The following AHCTF1 variants were observed in gnomAD, a reference collection of about 807,000 sequenced individuals.
The protein encoded by AHCTF1 is AT-hook containing transcription factor 1, also known as protein ELYS.
In AHCTF1, 24 loss-of-function variants were observed where a neutral mutation model predicts 248.4. The ratio of observed to expected loss-of-function variants is 0.10; its 90% CI spans 0.07 to 0.14. The LOEUF (loss-of-function observed/expected upper bound fraction) is 0.14, where lower values mean the gene tolerates loss of function less well. AHCTF1 is among the 10% of genes least tolerant of loss of function. AHCTF1 has a pLI of 1.00. For synonymous variants in AHCTF1, 786 were observed against 929.8 expected (o/e 0.85, Z 2.81); for missense variants, 2,206 against 2,636.2 (o/e 0.84, Z 3.57).
chr1:246,914,084 A>G (rs1665986865), intron 3 of AHCTF1, among the ~76,000 whole-genome samples: 1 of 152,218 alleles, frequency 6.6e-6, no homozygotes, highest in Admixed American at 6.5e-5. Flanking sequence ...TACTTTAGCT[A>G]TTTTATGGAG....
Position 246,843,930 on chromosome 1 carries a change from T to A in AHCTF1, c.6392-2A>T, listed in dbSNP as rs148600466. On this transcript the variant is annotated splice_acceptor_variant, in intron 33 of 35. Transcript: ENST00000648844. LOFTEE classifies it high-confidence loss of function. Reference sequence around the variant, plus strand: ...GTGCAGGAACCTCTATTTTTTTAGCTAAAAAAAGTTGAAAAAACTGTATCT... The same window carrying A: ...GTGCAGGAACCTCTATTTTTTTAGCAAAAAAAAGTTGAAAAAACTGTATCT... 0.012 allele frequency: 16,776 copies of A among 1,437,566 alleles called. 124 individuals carry two copies. The highest frequency in any genetic ancestry group is 0.014 in the Non-Finnish European group (15,596 of 1,091,522). 89.1% of individuals were successfully genotyped at this position (1,437,566 alleles called of 1,614,324 possible). A position where few individuals can be genotyped will look rare whatever the true frequency, so the allele number is the denominator to read the frequency against.
rs756809314 is a variant in AHCTF1 at position 246,887,269 on chromosome 1, G to A, written c.2414C>T (p.Ser805Phe). 1.6e-5 allele frequency: 26 copies of A among 1,613,394 alleles called. No individual in the cohort carries two copies. The highest frequency in any genetic ancestry group is 2.0e-5 in the Non-Finnish European group (24 of 1,179,716). Residue 805 changes from serine to phenylalanine, a missense_variant, in exon 20 of 36, where the codon TCT becomes TTT. By Grantham distance (155) the Ser-to-Phe change is radical. Coordinates refer to ENST00000648844, the MANE Select transcript of AHCTF1 (RefSeq NM_001323342.2). Reference protein sequence around the residue: ...IESFPTVFAISWGQVKLIQGF... With the variant: ...IESFPTVFAIFWGQVKLIQGF... ...CTGAATAAGTTTAACTTGGCCCCAA[G>A]AAATGGCAAATACAGTTGGGAAAGA...
chr1:246,870,723 CA>C (rs11340560), intron 24 of AHCTF1, among the ~76,000 whole-genome samples: 67,000 of 110,010 alleles, frequency 0.61, 18,052 homozygotes, highest in African/African-American at 0.79. Flanking sequence ...TATAAAACCT[CA>C]AAAAAAAAAA....
In AHCTF1 at chr1:246,839,926, T is replaced by C. The variant is rs1659736059; in HGVS notation, c.*880A>G. 1 of 152,602 alleles carries C rather than the reference T, an allele frequency of 6.6e-6. No homozygotes were observed. Among genetic ancestry groups the C allele is most frequent in the African/African-American group, 2.4e-5 (1 of 41,444 alleles). 9.5% of individuals were successfully genotyped at this position (152,602 alleles called of 1,614,324 possible). A position where few individuals can be genotyped will look rare whatever the true frequency, so the allele number is the denominator to read the frequency against. On this transcript the variant is annotated 3_prime_UTR_variant, in exon 36 of 36. Coordinates refer to ENST00000648844, the MANE Select transcript of AHCTF1 (RefSeq NM_001323342.2). ...TCTGTGCCTGAGGTCCTGTGAGAAT[T>C]TGCCAGTTTTAAAACCTGAATATTA...
rs184854150 is a variant in AHCTF1 at position 246,914,470 on chromosome 1, T to C, written c.376-1058A>G. ...TTCTCTATATCAGTATACAAAACAT[T>C]ACTCAGTGTTTCTAATTCTGAAAGC... On this transcript the variant is annotated intron_variant, in intron 3 of 35. Coordinates refer to ENST00000648844, the MANE Select transcript of AHCTF1 (RefSeq NM_001323342.2). 3.3e-5 allele frequency among the ~76,000 whole-genome samples: 5 copies of C among 152,342 alleles called. No homozygotes were observed. The East Asian group carries it at 9.6e-4, about 29-fold the overall frequency.
intron 8 of AHCTF1, among the ~76,000 whole-genome samples, chr1:246,900,693 A>G (rs1200202618): frequency 6.6e-6 from 1 of 152,244 alleles, no homozygotes; most frequent in African/African-American, 2.4e-5. Context: ...GTCACTCATC[A>G]GAAGTTATAT....
chr1:246,846,516 A>C (rs1161337404), intron 33 of AHCTF1, among the ~76,000 whole-genome samples: 1 of 152,088 alleles, frequency 6.6e-6, no homozygotes, highest in Non-Finnish European at 1.5e-5. Context: ...CCAGCTAGTA[A>C]GTGGCAGAAA....
rs199556608 is a variant in AHCTF1 at position 246,876,199 on chromosome 1, C to G, written c.2938-12G>C. The G allele has an allele frequency of 1.4e-3, 2,133 of 1,555,084 alleles. 3 individuals are homozygous for G. The highest frequency in any genetic ancestry group is 1.8e-3 in the Non-Finnish European group (2,032 of 1,145,796). ...GGATCACGATCATTCTATTAAACAT[C>G]AAAATTGGTAAAAAATTTAACCTTC... On this transcript the variant is annotated splice_polypyrimidine_tract_variant and intron_variant, in intron 23 of 35. Coordinates refer to ENST00000648844, the MANE Select transcript of AHCTF1 (RefSeq NM_001323342.2).
At chr1:246,929,462 G>T (rs996246392) in intron 1 of AHCTF1, among the ~76,000 whole-genome samples, 4 of 148,086 alleles carry the variant, frequency 2.7e-5, no homozygotes, top group Non-Finnish European at 5.9e-5. Flanking sequence ...TTTAGAAGGA[G>T]GACCTGAAAT....
intron 8 of AHCTF1, among the ~76,000 whole-genome samples, chr1:246,900,992 G>A (rs564398610): frequency 7.2e-5 from 11 of 152,236 alleles, no homozygotes; most frequent in Non-Finnish European, 1.5e-4. Context: ...AACAGGAGAA[G>A]AAGAAAGTAA....
At chr1:246,921,148 C>T (rs921193956) in intron 1 of AHCTF1, among the ~76,000 whole-genome samples, 2 of 152,008 alleles carry the variant, frequency 1.3e-5, no homozygotes. Flanking sequence ...CGCAAAATGA[C>T]ATTTATATAA....
intron 24 of AHCTF1, among the ~76,000 whole-genome samples, chr1:246,868,917 T>A (rs573268651): frequency 2.0e-5 from 3 of 149,410 alleles, no homozygotes; most frequent in Non-Finnish European, 3.0e-5. Context: ...TGATCTCGGC[T>A]CACTGCAAGT....
At chr1:246,848,634 G>A (rs1007904764) in intron 33 of AHCTF1, among the ~76,000 whole-genome samples, 2 of 151,970 alleles carry the variant, frequency 1.3e-5, no homozygotes, top group Non-Finnish European at 2.9e-5. Flanking sequence ...GGGAGGCTGG[G>A]GCGGGTGGAT....
At chr1:246,852,240 A>G (rs1224258557) in intron 32 of AHCTF1, among the ~76,000 whole-genome samples, 2 of 152,156 alleles carry the variant, frequency 1.3e-5, no homozygotes, top group African/African-American at 4.8e-5. Context: ...TAGCTTCCCA[A>G]CTAAAAGAAC....
At chr1:246,911,045 G>A (rs1665763772) in intron 4 of AHCTF1, among the ~76,000 whole-genome samples, 1 of 152,064 alleles carries the variant, frequency 6.6e-6, no homozygotes, top group Non-Finnish European at 1.5e-5. Context: ...AAACCCTAAA[G>A]CTTAATTTTT....
Position 246,855,821 on chromosome 1 carries a change from G to C in AHCTF1, c.4263C>G (p.Ile1421Met), listed in dbSNP as rs150298389. 1.1e-3 allele frequency: 1,762 copies of C among 1,612,406 alleles called. 5 individuals carry two copies. The highest frequency in any genetic ancestry group is 1.4e-3 in the Non-Finnish European group (1,685 of 1,179,148). The change falls in exon 31 of 36, where the codon ATC becomes ATG. Residue 1421 changes from isoleucine (I) to methionine (M), a missense_variant. Ile to Met is a conservative substitution (Grantham distance 10). This residue lies in a region of AHCTF1 where 955 missense variants were observed against 1,055.6 expected (regional missense o/e 0.90). Coordinates refer to ENST00000648844, the MANE Select transcript of AHCTF1 (RefSeq NM_001323342.2). Reference sequence around the variant, plus strand: ...CTGGTACCTTGGACTTCTGGGTGAAGATTTTCCTTTAGAAAAAGAAATACA... The same window carrying C: ...CTGGTACCTTGGACTTCTGGGTGAACATTTTCCTTTAGAAAAAGAAATACA... ...LCAPSVYEGK[I>M]FTQKSKVPVL...
In AHCTF1 at chr1:246,842,756, T is replaced by C. The variant is rs1279072056; in HGVS notation, c.6546A>G (p.Val2182=). ...TCGCTTTTGGCTTTCCCAGAGTTTC[T>C]ACTGATTGTGCATCATCTTTCTATG... The part of the protein sequence containing the change: ...EDELKDDAQS[V]ETLGKPKAKR... Residue 2182 remains valine (V), a synonymous_variant, in exon 35 of 36, where the codon GTA becomes GTG. Coordinates refer to ENST00000648844, the MANE Select transcript of AHCTF1 (RefSeq NM_001323342.2). 6.2e-7 allele frequency: 1 copy of C among 1,613,598 alleles called. No individual in the cohort carries two copies. Among genetic ancestry groups the C allele is most frequent in the Non-Finnish European group, 8.5e-7 (1 of 1,179,894 alleles).
intron 14 of AHCTF1, among the ~76,000 whole-genome samples, chr1:246,892,772 T>C (rs947875527): frequency 4.6e-5 from 7 of 151,748 alleles, no homozygotes; most frequent in Admixed American, 2.0e-4. Context: ...GCTGGGACTA[T>C]AGGCATGTGC....
chr1:246,882,786 C>T (rs190050935), intron 21 of AHCTF1, among the ~76,000 whole-genome samples: 7 of 152,216 alleles, frequency 4.6e-5, no homozygotes, highest in South Asian at 2.1e-4. Context: ...TTAATTTGCA[C>T]GTAAAACAGC....
Sources: allele counts gnomAD v4.1 joint callset (sites outside exome capture counted in the v4.1 genomes callset), GRCh38; gene constraint gnomAD v4.1.1; regional missense constraint gnomAD v4.1.1; transcripts MANE v1.5; gene names NCBI Gene and HGNC (gene_info 2026-07-23, HGNC 2026-07-21).